The following EFCAB5 variants were observed in gnomAD, a reference collection of about 807,000 sequenced individuals.
The protein encoded by EFCAB5 is EF-hand calcium-binding domain-containing protein 5.
A neutral mutation model predicts 167.9 loss-of-function variants in EFCAB5; 131 were observed. The ratio of observed to expected loss-of-function variants is 0.78; its 90% confidence interval spans 0.68 to 0.90. EFCAB5 has a LOEUF of 0.90. Ranked by LOEUF, EFCAB5 falls within the 40% of genes least tolerant of loss-of-function variation. The pLI, the probability that EFCAB5 is intolerant of heterozygous loss-of-function variation, is 0.00. For missense variants in EFCAB5, 1,663 were observed against 1,745.2 expected (o/e 0.95, Z 0.84); for synonymous variants, 574 against 602.8 (o/e 0.95, Z 0.70).
intron 3 of EFCAB5, among the ~76,000 whole-genome samples, chr17:29,964,880 G>A (rs2067795344): frequency 6.6e-6 from 1 of 150,454 alleles, no homozygotes; most frequent in Admixed American, 6.6e-5. Context: ...GTTTCTTAAG[G>A]TGTATAGGTT....
At chr17:29,979,267 T>C (rs768502209) in intron 4 of EFCAB5, among the ~76,000 whole-genome samples, 3 of 151,772 alleles carry the variant, frequency 2.0e-5, no homozygotes, top group Admixed American at 1.3e-4. Flanking sequence ...TGCTTGAACA[T>C]GGGAGGCGGA....
intron 9 of EFCAB5, among the ~76,000 whole-genome samples, chr17:30,051,741 T>C (rs2151775763): frequency 6.6e-6 from 1 of 152,160 alleles, no homozygotes; most frequent in Non-Finnish European, 1.5e-5. Context: ...GTATTTTTAA[T>C]AGAGAGAAGG....
rs1378261401 is a variant in EFCAB5 at position 30,057,793 on chromosome 17, G to A, written c.2483G>A (p.Gly828Asp). 1.2e-6 allele frequency: 2 copies of A among 1,613,834 alleles called. No individual in the cohort carries two copies. The highest frequency in any genetic ancestry group is 2.2e-5 in the East Asian group (1 of 44,874). Residue 828 changes from glycine (G) to aspartate (D), a missense_variant, in exon 13 of 23, where the codon GGT becomes GAT. Transcript: ENST00000394835. ...QFVQLLETFV[G>D]EDAPLSVSET... is the part of the protein sequence containing the mutation. ...GTGCAACTCCTGGAGACATTTGTTG[G>A]TGAAGACGCTCCCTTGAGTGTCAGC...
At chr17:30,057,046 A>T (rs1375219740) in intron 12 of EFCAB5, among the ~76,000 whole-genome samples, 1 of 152,212 alleles carries the variant, frequency 6.6e-6, no homozygotes, top group Non-Finnish European at 1.5e-5. Context: ...TATACTTCAT[A>T]CTGTACTATT....
At chr17:29,972,783 AC>A in intron 4 of EFCAB5, 1 of 223,710 alleles carries the variant, frequency 4.5e-6, no homozygotes, top group Non-Finnish European at 9.5e-6. Context: ...AAGCCCCTCT[AC>A]CCAGCCCTCC....
chr17:29,979,056 A>C (rs1353883649), intron 4 of EFCAB5, among the ~76,000 whole-genome samples: 1 of 152,068 alleles, frequency 6.6e-6, no homozygotes, highest in Non-Finnish European at 1.5e-5. Context: ...CCTCATTTAG[A>C]AATAGGAAAT....
Position 30,092,063 on chromosome 17 carries a change from A to C in EFCAB5, c.4130A>C (p.Lys1377Thr). 3.1e-6 allele frequency: 5 copies of C among 1,613,996 alleles called. No homozygotes were observed. Among genetic ancestry groups the C allele is most frequent in the Non-Finnish European group, 4.2e-6 (5 of 1,179,880 alleles). The change falls in exon 21 of 23, where the codon AAA becomes ACA. Residue 1377 changes from lysine (K) to threonine (T), a missense_variant. Coordinates refer to ENST00000394835, the MANE Select transcript of EFCAB5 (RefSeq NM_198529.4). ...TCTATGGAGTTGGAAGCCAACGTGA[A>C]ACTAGTGCGTGACATCCTGAAGGCG... ...SKSMELEANV[K>T]LVRDILKAVI... is the part of the protein sequence containing the mutation.
chr17:29,947,598 A>C (rs1420028398), intron 3 of EFCAB5, among the ~76,000 whole-genome samples: 1 of 152,150 alleles, frequency 6.6e-6, no homozygotes, highest in Admixed American at 6.5e-5. Flanking sequence ...CAAACTTTCC[A>C]ACACTTATTC....
At position 30,102,088 on chromosome 17, in the gene EFCAB5, A is replaced by T. The variant is rs1411885431; in HGVS notation, c.4322-5746A>T. ...TTAAGACAGCAAGAGGACAGAGAAC[A>T]TGGGTGCAGATGAGAGTGAGTGGGT... is the stretch of plus-strand genomic sequence containing the variant. On this transcript the variant is annotated intron_variant, in intron 22 of 22. Transcript: ENST00000394835. Among the ~76,000 whole-genome samples the T allele has an allele frequency of 1.1e-4, 16 of 149,576 alleles. 2 individuals carry two copies. Among genetic ancestry groups the T allele is most frequent in the Admixed American group, 1.1e-3 (16 of 15,176 alleles).
At chr17:30,015,759 CTTTT>C (rs71138866) in intron 7 of EFCAB5, among the ~76,000 whole-genome samples, 1 of 130,560 alleles carries the variant, frequency 7.7e-6, no homozygotes, top group Non-Finnish European at 1.6e-5. Flanking sequence ...TTGGTTATTT[CTTTT>C]TTTTTTTTTT....
intron 13 of EFCAB5, 160 bp from the exon 14 acceptor site, chr17:30,059,385 C>A: frequency 1.5e-6 from 1 of 647,606 alleles, no homozygotes; most frequent in Non-Finnish European, 2.3e-6. Context: ...CAGGGATGCA[C>A]CACTGCTGAA....
At chr17:30,096,677 A>ATTTTTTTTTTTTTTT (rs71278522) in intron 22 of EFCAB5, among the ~76,000 whole-genome samples, 2 of 60,128 alleles carry the variant, frequency 3.3e-5, no homozygotes, top group African/African-American at 1.7e-4. Context: ...ATATATATAT[A>ATTTTTTTTTTTTTTT]TTTTTTTTTT....
intron 22 of EFCAB5, among the ~76,000 whole-genome samples, chr17:30,104,551 C>A (rs1470502137): frequency 1.2e-4 from 18 of 145,830 alleles, no homozygotes; most frequent in Admixed American, 1.4e-4. Context: ...CAAAGCAAAG[C>A]AAAAAAAAAA....
At chr17:29,980,634 T>A (rs1055723699) in intron 4 of EFCAB5, among the ~76,000 whole-genome samples, 1 of 152,242 alleles carries the variant, frequency 6.6e-6, no homozygotes, top group Non-Finnish European at 1.5e-5. Context: ...TGTCCTTTTC[T>A]GGCTCATTCT....
chr17:30,063,175 T>A (rs1282614249), intron 14 of EFCAB5, among the ~76,000 whole-genome samples: 2 of 152,044 alleles, frequency 1.3e-5, no homozygotes, highest in Non-Finnish European at 2.9e-5. Flanking sequence ...GAAATACCCA[T>A]CTCCCTGGGA....
At chr17:30,073,744 C>G in intron 14 of EFCAB5, 1 of 695,650 alleles carries the variant, frequency 1.4e-6, no homozygotes, top group East Asian at 2.7e-5. Context: ...CAAATACATG[C>G]CCTATGCATC....
rs756318389 is a variant in EFCAB5, at chr17:30,107,916, C to G, written c.4404C>G (p.Leu1468=). 6.2e-7 allele frequency: 1 copy of G among 1,611,778 alleles called. No homozygotes were observed. Among genetic ancestry groups the G allele is most frequent in the South Asian group, 1.1e-5 (1 of 90,580 alleles). ...ACTGGATACACATCTGTTCAGCTCT[C>G]ATGAAGATAACCAAACAACTAAATA... ...LYHWIHICSA[L]MKITKQLNSG... Residue 1468 remains leucine, a synonymous_variant, in exon 23 of 23, where the codon CTC becomes CTG. Coordinates refer to ENST00000394835, the MANE Select transcript of EFCAB5 (RefSeq NM_198529.4).
intron 22 of EFCAB5, among the ~76,000 whole-genome samples, chr17:30,101,126 T>C (rs764254531): frequency 6.6e-6 from 1 of 152,166 alleles, no homozygotes; most frequent in East Asian, 1.9e-4. Flanking sequence ...AGTGTGGGAT[T>C]ACAAGCATGA....
At position 30,081,309 on chromosome 17, in the gene EFCAB5, C is replaced by T. The variant is rs1384834510; in HGVS notation, c.3426+328C>T. 2.0e-5 allele frequency among the ~76,000 whole-genome samples: 3 copies of T among 152,244 alleles called. 1 individual carries two copies. In the South Asian group the frequency reaches 6.2e-4, roughly 32 times the overall value. On this transcript the variant is annotated intron_variant, in intron 17 of 22. Coordinates refer to ENST00000394835, the MANE Select transcript of EFCAB5 (RefSeq NM_198529.4). ...AGCGGGAATGAACTTTTAGAAGGGA[C>T]GTATTTGTGTTTTACTAACAGTGGT...
Sources: allele counts gnomAD v4.1 joint callset (sites outside exome capture counted in the v4.1 genomes callset), GRCh38; gene constraint gnomAD v4.1.1; transcripts MANE v1.5; gene names NCBI Gene and HGNC (gene_info 2026-07-23, HGNC 2026-07-21).